SKA3: variants seen among roughly 807,000 people sequenced by gnomAD.
SKA3 encodes the protein spindle and kinetochore-associated protein 3.
SKA3 carries 39 observed loss-of-function variants against 44.2 expected under a neutral mutation model. The observed-to-expected ratio is 0.88, with a 90% confidence interval of 0.68 to 1.15. The LOEUF is 1.15. Ranked by LOEUF, SKA3 falls within the 50% of genes most tolerant of loss-of-function variation. The probability of loss-of-function intolerance (pLI) is 0.00; values close to 1 mark genes in which losing one functional copy is unlikely to be tolerated. For missense variants in SKA3, 511 were observed against 485.8 expected (o/e 1.05, Z -0.49); for synonymous variants, 192 against 172.0 (o/e 1.12, Z -0.91).
intron 4 of SKA3, among the ~76,000 whole-genome samples, chr13:21,163,660 C>T (rs1870556993): frequency 6.6e-6 from 1 of 152,184 alleles, no homozygotes; most frequent in African/African-American, 2.4e-5. Flanking sequence ...GCCAAATATG[C>T]ATCTGGATAG....
chr13:21,160,310 C>T (rs775237385), intron 5 of SKA3, among the ~76,000 whole-genome samples: 3 of 152,072 alleles, frequency 2.0e-5, no homozygotes, highest in East Asian at 1.9e-4. Context: ...AGGAGGAAGA[C>T]GGAGAACAGG....
At chr13:21,155,974 G>A (rs1654524812) in intron 7 of SKA3, among the ~76,000 whole-genome samples, 163 bp from the exon 8 acceptor site, 1 of 152,056 alleles carries the variant, frequency 6.6e-6, no homozygotes, top group Non-Finnish European at 1.5e-5. Context: ...GATCACTTGA[G>A]GTCAGGAGTT....
Position 21,154,163 on chromosome 13 carries a change from T to A in SKA3, c.*987A>T, listed in dbSNP as rs1223618520. The A allele has an allele frequency of 2.6e-5, 4 of 152,276 alleles. No individual in the cohort carries two copies. The highest frequency in any genetic ancestry group is 4.8e-5 in the African/African-American group (2 of 41,470). The allele number at this position is 152,276 out of a possible 1,614,324, so 9.4% of individuals were successfully genotyped here. A position where few individuals can be genotyped will look rare whatever the true frequency, so the allele number is the denominator to read the frequency against. ...ATAATACTTGTTGTTTCTTCTCAAATTTTTAATGGTTCTCCACAGTATGCT... is the reference window on the plus strand; with the variant it reads ...ATAATACTTGTTGTTTCTTCTCAAAATTTTAATGGTTCTCCACAGTATGCT... On this transcript the variant is annotated 3_prime_UTR_variant, in exon 9 of 9. Transcript: ENST00000314759.
At chr13:21,174,247 C>T (rs991911921) in intron 1 of SKA3, among the ~76,000 whole-genome samples, 1 of 152,030 alleles carries the variant, frequency 6.6e-6, no homozygotes, top group East Asian at 1.9e-4. Flanking sequence ...GGGTATATAC[C>T]CAAAGGATTA....
At chr13:21,164,659 A>G (rs983004922) in intron 4 of SKA3, among the ~76,000 whole-genome samples, 17 of 152,158 alleles carry the variant, frequency 1.1e-4, no homozygotes, top group Non-Finnish European at 2.1e-4. Flanking sequence ...GTGGTTTCTT[A>G]TTAGTATGTG....
At chr13:21,174,124 C>T (rs1006973613) in intron 1 of SKA3, among the ~76,000 whole-genome samples, 1 of 152,196 alleles carries the variant, frequency 6.6e-6, no homozygotes. Flanking sequence ...AATAGGAACA[C>T]TTTTACACTG....
chr13:21,155,579 G>C (rs9506626), intron 8 of SKA3, 114 bp downstream of exon 8: 86,251 of 702,500 alleles, frequency 0.12, 5,919 homozygotes, highest in Middle Eastern at 0.17. Context: ...GCTAATTTTT[G>C]TATTTTTAGT....
At chr13:21,170,069 A>G (rs754977382) in intron 3 of SKA3, among the ~76,000 whole-genome samples, 1 of 152,190 alleles carries the variant, frequency 6.6e-6, no homozygotes, top group Non-Finnish European at 1.5e-5. Context: ...CTATATAAAG[A>G]TAAGTTTGTA....
At chr13:21,171,048 C>A (rs1300596696) in intron 3 of SKA3, among the ~76,000 whole-genome samples, 1 of 152,130 alleles carries the variant, frequency 6.6e-6, no homozygotes, top group Non-Finnish European at 1.5e-5. Flanking sequence ...CTGCCTCAGC[C>A]TCCTGAATAG....
At chr13:21,155,229 T>G (rs1050968929) in intron 8 of SKA3, 79 bp from the exon 9 acceptor site, 9 of 1,045,460 alleles carry the variant, frequency 8.6e-6, no homozygotes, top group Non-Finnish European at 1.1e-5. Flanking sequence ...ACTGTGGCTA[T>G]ATATTTTACA....
In SKA3 at chr13:21,176,226, G is replaced by C. The variant is rs2296733; in HGVS notation, c.103+149C>G. 3 of 614,074 alleles carry C rather than the reference G, an allele frequency of 4.9e-6. No homozygotes were observed. In the African/African-American group the frequency reaches 5.9e-5, roughly 12 times the overall value. The allele number at this position is 614,074 out of a possible 1,614,324, so 38.0% of individuals were successfully genotyped here. ...ACGCTAACGCCAAACGCCGAGCAGT[G>C]AGACGCGCAGCACCCGCCCTGCGCC... On this transcript the variant is annotated intron_variant, in intron 1 of 8. Transcript: ENST00000314759.
chr13:21,172,842 T>A, intron 1 of SKA3, 161 bp from the exon 2 acceptor site: 1 of 416,444 alleles, frequency 2.4e-6, no homozygotes, highest in Non-Finnish European at 4.2e-6. Context: ...TTACCGTACC[T>A]TTTTTATGTT....
At chr13:21,174,767 C>CCAACAACAA (rs60501469) in intron 1 of SKA3, among the ~76,000 whole-genome samples, 41 of 150,770 alleles carry the variant, frequency 2.7e-4, no homozygotes, top group African/African-American at 4.6e-4. Flanking sequence ...GCGTACTGCT[C>CCAACAACAA]CAACAACAAC....
chr13:21,168,718 G>C (rs958569595), intron 3 of SKA3, among the ~76,000 whole-genome samples: 4 of 152,044 alleles, frequency 2.6e-5, no homozygotes, highest in African/African-American at 9.7e-5. Context: ...TTGTAGAGTG[G>C]GGTCTCATCA....
chr13:21,156,098 A>C (rs1323541267), intron 7 of SKA3, among the ~76,000 whole-genome samples: 1 of 151,636 alleles, frequency 6.6e-6, no homozygotes, highest in Non-Finnish European at 1.5e-5. Context: ...GAGGCCCAAG[A>C]ATTACTTGAA....
In SKA3 at chr13:21,154,683, A is replaced by C. The variant is rs1240709346; in HGVS notation, c.*467T>G. ...TTTAACTGGTGTTCCTGTTGTTTGC[A>C]AACAGCAACTGCATCTTCAGACAGC... On this transcript the variant is annotated 3_prime_UTR_variant, in exon 9 of 9. Coordinates refer to ENST00000314759, the MANE Select transcript of SKA3 (RefSeq NM_145061.6). 5.5e-6 allele frequency: 1 copy of C among 182,278 alleles called. No homozygotes were observed. The highest frequency in any genetic ancestry group is 5.9e-5 in the Admixed American group (1 of 16,938). 11.3% of individuals were successfully genotyped at this position (182,278 alleles called of 1,614,324 possible). A position where few individuals can be genotyped will look rare whatever the true frequency, so the allele number is the denominator to read the frequency against.
In SKA3 at chr13:21,159,911, G is replaced by C. The variant is rs1332850500; in HGVS notation, c.906C>G (p.Ser302Arg). 6.2e-7 allele frequency: 1 copy of C among 1,606,518 alleles called. No individual in the cohort carries two copies. Among genetic ancestry groups the C allele is most frequent in the Admixed American group, 1.7e-5 (1 of 58,326 alleles). The part of the protein sequence containing the change: ...PGLKIPSTKN[S>R]IALVSTNYPL... Reference sequence around the variant, plus strand: ...TTTTATGGAAAGTTACCAAAGCTATGCTGTTCTTTGTAGATGGAATTTTCA... The same window carrying C: ...TTTTATGGAAAGTTACCAAAGCTATCCTGTTCTTTGTAGATGGAATTTTCA... Residue 302 changes from serine (S) to arginine (R), a missense_variant, in exon 6 of 9, where the codon AGC (serine) becomes AGG (arginine). Ser to Arg is a moderately radical substitution (Grantham distance 110, BLOSUM62 -1). Transcript: ENST00000314759.
At position 21,172,254 on chromosome 13, in the gene SKA3, C is replaced by A. The variant is rs868213211; in HGVS notation, c.331+85G>T. Reference sequence around the variant, plus strand: ...TAACAACAGAGCTAGAACTAAAAACCATAGCCAAGGCTACAGTTGTCTTAA... The same window carrying A: ...TAACAACAGAGCTAGAACTAAAAACAATAGCCAAGGCTACAGTTGTCTTAA... On this transcript the variant is annotated intron_variant, in intron 3 of 8. Coordinates refer to ENST00000314759, the MANE Select transcript of SKA3 (RefSeq NM_145061.6). 3.4e-5 allele frequency: 26 copies of A among 759,020 alleles called. 1 individual carries two copies. The Middle Eastern group carries it at 4.5e-3, about 131-fold the overall frequency. 47.0% of individuals were successfully genotyped at this position (759,020 alleles called of 1,614,324 possible).
chr13:21,166,104 G>A (rs1260382289), intron 4 of SKA3, among the ~76,000 whole-genome samples: 1 of 151,180 alleles, frequency 6.6e-6, no homozygotes, highest in Non-Finnish European at 1.5e-5. Flanking sequence ...TGCAACCTCT[G>A]CCTCCTGGGT....
Sources: allele counts gnomAD v4.1 joint callset (sites outside exome capture counted in the v4.1 genomes callset), GRCh38; gene constraint gnomAD v4.1.1; transcripts MANE v1.5; gene names NCBI Gene and HGNC (gene_info 2026-07-23, HGNC 2026-07-21).